PFAS: variants seen among roughly 807,000 people sequenced by gnomAD.
PFAS encodes the protein phosphoribosylformylglycinamidine synthase, also known as FGAM synthase.
In PFAS, 97 loss-of-function variants were observed where a neutral mutation model predicts 140.6. The ratio of observed to expected loss-of-function variants is 0.69; its 90% CI spans 0.59 to 0.82. The LOEUF is 0.82. Among genes scored for constraint, PFAS ranks in the 40% least tolerant of loss-of-function variants. PFAS has a pLI of 0.00. For synonymous variants in PFAS, 679 were observed against 718.8 expected (o/e 0.94, Z 0.88); for missense variants, 1,656 against 1,780.2 (o/e 0.93, Z 1.26).
chr17:8,267,329 G>C lies in PFAS; in HGVS notation c.3176-43G>C. Reference sequence around the variant, plus strand: ...GAAAGGTGTCTGGGGAGTTGGGGTGGGGAAGTGACTTTCTGGCCCAAAGAC... The same window carrying C: ...GAAAGGTGTCTGGGGAGTTGGGGTGCGGAAGTGACTTTCTGGCCCAAAGAC... On this transcript the variant is annotated intron_variant, in intron 24 of 27. Coordinates refer to ENST00000314666, the MANE Select transcript of PFAS (RefSeq NM_012393.3). The surrounding 1 kb of genome is among the most constrained non-coding windows in gnomAD (Gnocchi z 4.9). 2 of 1,599,926 alleles carry C rather than the reference G, an allele frequency of 1.3e-6. No individual in the cohort carries two copies. The highest frequency in any genetic ancestry group is 8.6e-7 in the Non-Finnish European group (1 of 1,167,728).
intron 1 of PFAS, among the ~76,000 whole-genome samples, chr17:8,251,668 CTTTTTTTTTT>C (rs71159571): frequency 1.2e-4 from 10 of 84,340 alleles, no homozygotes; most frequent in South Asian, 8.4e-4. Context: ...TTAAGCAATT[CTTTTTTTTTT>C]TTTTTTTTTT....
Position 8,255,884 on chromosome 17 carries a change from G to C in PFAS, c.654G>C (p.Glu218Asp), listed in dbSNP as rs1989342070. 2 of 1,613,910 alleles carry C rather than the reference G, an allele frequency of 1.2e-6. No individual in the cohort carries two copies. Among genetic ancestry groups the C allele is most frequent in the African/African-American group, 2.7e-5 (2 of 75,036 alleles). ...QELQRNPSTV[E>D]AFDLAQSNSE... is the part of the protein sequence containing the mutation. The stretch of plus-strand genomic sequence containing the variant: ...TACAGCGGAACCCGAGCACTGTGGA[G>C]GCCTTTGACTTGGCGCAGTCCAATA... The change falls in exon 6 of 28, where the codon GAG (glutamate) becomes GAC (aspartate). Residue 218 changes from glutamate to aspartate, a missense_variant. By Grantham distance (45) the Glu-to-Asp change is conservative (BLOSUM62 2). Coordinates refer to ENST00000314666, the MANE Select transcript of PFAS (RefSeq NM_012393.3).
intron 11 of PFAS, among the ~76,000 whole-genome samples, chr17:8,259,843 G>A (rs1002533355): frequency 2.6e-5 from 4 of 152,118 alleles, no homozygotes; most frequent in Non-Finnish European, 4.4e-5. Context: ...GCTCACGCCT[G>A]TAATCCCAGC....
intron 1 of PFAS, among the ~76,000 whole-genome samples, chr17:8,252,138 A>G (rs1350190494): frequency 1.3e-5 from 2 of 151,558 alleles, no homozygotes; most frequent in Non-Finnish European, 2.9e-5. Context: ...TACTAATAAT[A>G]CAAAAATTAG....
At position 8,264,204 on chromosome 17, in the gene PFAS, G is replaced by T. The variant is rs1482525243; in HGVS notation, c.1792-8G>T. On this transcript the variant is annotated splice_region_variant and splice_polypyrimidine_tract_variant and intron_variant, in intron 15 of 27. Transcript: ENST00000314666. Reference sequence around the variant, plus strand: ...ATCCCCTCTGGGTGGGGTCCCTGTGGTCTATAGATAGTGCTGGTGGACGAT... The same window carrying T: ...ATCCCCTCTGGGTGGGGTCCCTGTGTTCTATAGATAGTGCTGGTGGACGAT... 6.2e-7 allele frequency: 1 copy of T among 1,613,834 alleles called. No homozygotes were observed. Among genetic ancestry groups the T allele is most frequent in the Non-Finnish European group, 8.5e-7 (1 of 1,179,930 alleles).
Position 8,256,357 on chromosome 17 carries a change from C to T in PFAS, c.771C>T (p.Thr257=). ...VHSLFESIMS[T]QESSNPNNVL... is the part of the protein sequence containing the mutation. ...CACTGTTTGAGTCCATCATGAGCAC[C>T]CAGGAATCCTCGAACCCCAACAACG... is the stretch of plus-strand genomic sequence containing the variant. Residue 257 remains threonine, a synonymous_variant, in exon 7 of 28, where the codon ACC becomes ACT. Transcript: ENST00000314666. 6.2e-7 allele frequency: 1 copy of T among 1,614,026 alleles called. No homozygotes were observed. Among genetic ancestry groups the T allele is most frequent in the Non-Finnish European group, 8.5e-7 (1 of 1,180,040 alleles).
Position 8,256,661 on chromosome 17 carries a change from C to A in PFAS, c.946+13C>A. 6.2e-7 allele frequency: 1 copy of A among 1,613,656 alleles called. No homozygotes were observed. The highest frequency in any genetic ancestry group is 1.1e-5 in the South Asian group (1 of 91,034). On this transcript the variant is annotated intron_variant, in intron 8 of 27. Coordinates refer to ENST00000314666, the MANE Select transcript of PFAS (RefSeq NM_012393.3). ...AACTTTCCCACAGGTGAGCTGGGTT[C>A]CCTGGAGAAATAGGTGAGATCACAG...
rs139716464 is a variant in PFAS at position 8,265,108 on chromosome 17, C to G, written c.2263C>G (p.Leu755Val). 2.5e-5 allele frequency: 41 copies of G among 1,612,498 alleles called. No individual in the cohort carries two copies. The highest frequency in any genetic ancestry group is 6.7e-5 in the East Asian group (3 of 44,878). Residue 755 changes from leucine to valine, a missense_variant, in exon 18 of 28, where the codon CTG becomes GTG. By Grantham distance (32) the Leu-to-Val change is conservative. This residue lies in a region of PFAS where 883 missense variants were observed against 1,023.0 expected (regional missense o/e 0.86). Coordinates refer to ENST00000314666, the MANE Select transcript of PFAS (RefSeq NM_012393.3). The stretch of plus-strand genomic sequence containing the variant: ...AGCCCTCACCAACCTGGTGTTTGCT[C>G]TGGTCACTGACCTCCGGGTGAGTTC... ...AEALTNLVFA[L>V]VTDLRDVKCS...
rs780253749 is a variant in PFAS, at chr17:8,268,709, C to T, written c.3559C>T (p.Pro1187Ser). ...TGCAGAGATGGGCCCTGACTCCCAG[C>T]CAGCCCGGCCAGGCCTTCTGCTACG... is the stretch of plus-strand genomic sequence containing the variant. ...DAAEMGPDSQ[P>S]ARPGLLLRHN... The change falls in exon 27 of 28, where the codon CCA (proline) becomes TCA (serine). Residue 1187 changes from proline to serine, a missense_variant. Around this residue, in one of 2 missense-constraint regions of PFAS, gnomAD observed 883 missense variants for 1,023.0 expected, o/e 0.86. Coordinates refer to ENST00000314666, the MANE Select transcript of PFAS (RefSeq NM_012393.3). 6.2e-7 allele frequency: 1 copy of T among 1,613,198 alleles called. No individual in the cohort carries two copies. The highest frequency in any genetic ancestry group is 2.2e-5 in the East Asian group (1 of 44,872).
rs763408331 is a variant in PFAS, at chr17:8,255,163, T to C, written c.384+31T>C. ...GTGATGGGGAATCAGGAGGAGGAGA[T>C]GAGCCAGAGATACAAGATTAGATCC... On this transcript the variant is annotated intron_variant, in intron 4 of 27. Coordinates refer to ENST00000314666, the MANE Select transcript of PFAS (RefSeq NM_012393.3). 3 of 1,466,548 alleles carry C rather than the reference T, an allele frequency of 2.0e-6. No individual in the cohort carries two copies. In the East Asian group the frequency reaches 6.8e-5, roughly 33 times the overall value. 90.8% of individuals were successfully genotyped at this position (1,466,548 alleles called of 1,614,324 possible).
rs1440443636 is a variant in PFAS at position 8,268,853 on chromosome 17, G to C, written c.3703G>C (p.Glu1235Gln). ...AVLPVWSAHG[E>Q]GYVAFSSPEL... Reference sequence around the variant, plus strand: ...GCTGCCCGTGTGGAGTGCGCACGGGGAAGGTCAGGCCCAAGGAAGGCTGGG... The same window carrying C: ...GCTGCCCGTGTGGAGTGCGCACGGGCAAGGTCAGGCCCAAGGAAGGCTGGG... The change falls in exon 27 of 28, where the codon GAA (glutamate) becomes CAA (glutamine). Residue 1235 changes from glutamate (E) to glutamine (Q), a missense_variant. Glu to Gln is a conservative substitution (Grantham distance 29). Coordinates refer to ENST00000314666, the MANE Select transcript of PFAS (RefSeq NM_012393.3). The C allele has an allele frequency of 1.2e-6, 2 of 1,609,662 alleles. No individual in the cohort carries two copies. Among genetic ancestry groups the C allele is most frequent in the Non-Finnish European group, 1.7e-6 (2 of 1,179,954 alleles).
chr17:8,261,235 CT>C (rs1989578711), intron 11 of PFAS, among the ~76,000 whole-genome samples: 1 of 151,094 alleles, frequency 6.6e-6, no homozygotes, highest in African/African-American at 2.4e-5. Context: ...TGTTTTCTTT[CT>C]TTCTTTTTTT....
chr17:8,266,475 G>A lies in PFAS; in HGVS notation c.2821+122G>A, dbSNP rs1567645468. ...CCTTTCCCTGAGTCTTCCCTGACTA[G>A]CTTTTCTGTGCTGTCTCTCTGACAG... On this transcript the variant is annotated intron_variant, in intron 22 of 27. Transcript: ENST00000314666. The surrounding 1 kb of genome is among the most constrained non-coding windows in gnomAD (Gnocchi z 5.0). The A allele has an allele frequency of 6.6e-7, 1 of 1,507,108 alleles. No homozygotes were observed. Among genetic ancestry groups the A allele is most frequent in the Non-Finnish European group, 8.9e-7 (1 of 1,129,086 alleles). The allele number at this position is 1,507,108 out of a possible 1,614,324, so 93.4% of individuals were successfully genotyped here. A position where few individuals can be genotyped will look rare whatever the true frequency, so the allele number is the denominator to read the frequency against.
intron 1 of PFAS, among the ~76,000 whole-genome samples, chr17:8,250,413 G>A (rs1421864734): frequency 6.6e-6 from 1 of 152,220 alleles, no homozygotes; most frequent in Non-Finnish European, 1.5e-5. Context: ...GAGATGAAGA[G>A]ATGAGAGATT....
In PFAS at chr17:8,256,421, G is replaced by C. The variant is rs1285171722; in HGVS notation, c.821+14G>C. 1 of 1,614,016 alleles carries C rather than the reference G, an allele frequency of 6.2e-7. No homozygotes were observed. Among genetic ancestry groups the C allele is most frequent in the South Asian group, 1.1e-5 (1 of 91,080 alleles). On this transcript the variant is annotated intron_variant, in intron 7 of 27. Transcript: ENST00000314666. ...TGATAACAGCAGGTGCTGTGCCCTA[G>C]ACTGGGTTGGCGTCAGGACCCGGGG...
chr17:8,251,891 T>G (rs1989168618), intron 1 of PFAS, among the ~76,000 whole-genome samples: 2 of 152,026 alleles, frequency 1.3e-5, no homozygotes, highest in South Asian at 4.1e-4. Flanking sequence ...CAGGTTGGTC[T>G]TGAACTCCTG....
Position 8,255,058 on chromosome 17 carries a change from A to T in PFAS, c.310A>T (p.Ile104Phe). 3 of 1,613,678 alleles carry T rather than the reference A, an allele frequency of 1.9e-6. No individual in the cohort carries two copies. Among genetic ancestry groups the T allele is most frequent in the Non-Finnish European group, 2.5e-6 (3 of 1,179,884 alleles). ...CTTCTCCACCCCAACATCCACCAAC[A>T]TCGTGTCAGTGTGCCGCGCCACTGG... ...LNFSTPTSTNIVSVCRATGLG... is the reference protein window; with the variant it reads ...LNFSTPTSTNFVSVCRATGLG... The change falls in exon 4 of 28, where the codon ATC becomes TTC. Residue 104 changes from isoleucine (I) to phenylalanine (F), a missense_variant. By Grantham distance (21) the Ile-to-Phe change is conservative. Around this residue, in one of 2 missense-constraint regions of PFAS, gnomAD observed 773 missense variants for 757.3 expected, o/e 1.02. Transcript: ENST00000314666.
intron 1 of PFAS, among the ~76,000 whole-genome samples, chr17:8,250,154 G>A (rs1989098028): frequency 6.6e-6 from 1 of 152,214 alleles, no homozygotes; most frequent in Non-Finnish European, 1.5e-5. Flanking sequence ...AGAAGCTAAT[G>A]TGTGGTTGGT....
Position 8,255,699 on chromosome 17 carries a change from G to A in PFAS, c.574+8G>A. On this transcript the variant is annotated splice_region_variant and intron_variant, in intron 5 of 27. Coordinates refer to ENST00000314666, the MANE Select transcript of PFAS (RefSeq NM_012393.3). ...AGGCCAACCAGGAGCTTGGTGAGTA[G>A]CTGGGGAGGGAGATGTAGGGTCCAG... The A allele has an allele frequency of 6.3e-7, 1 of 1,587,616 alleles. No homozygotes were observed. Among genetic ancestry groups the A allele is most frequent in the Non-Finnish European group, 8.6e-7 (1 of 1,167,950 alleles).
Sources: allele counts gnomAD v4.1 joint callset (sites outside exome capture counted in the v4.1 genomes callset), GRCh38; gene constraint gnomAD v4.1.1; regional missense constraint gnomAD v4.1.1; non-coding constraint Gnocchi (gnomAD v3.1); transcripts MANE v1.5; gene names NCBI Gene and HGNC (gene_info 2026-07-23, HGNC 2026-07-21).